P2RY8: variants seen among roughly 807,000 people sequenced by gnomAD.
P2RY8 encodes S-geranylgeranyl-glutathione receptor P2RY8.
In P2RY8, 6 loss-of-function variants were observed where a neutral mutation model predicts 10.0. The observed-to-expected ratio is 0.60, with a 90% CI of 0.33 to 1.19. P2RY8 has a LOEUF of 1.19. Among genes scored for constraint, P2RY8 ranks in the 50% most tolerant of loss-of-function variants. P2RY8 has a pLI of 0.04. For synonymous variants in P2RY8, 276 were observed against 252.5 expected, an observed-to-expected ratio of 1.09 and a Z score of -0.88; for missense variants, 456 against 542.0, an observed-to-expected ratio of 0.84 and a Z score of 1.58.
chrX:1,464,461 T>A lies in P2RY8; in HGVS notation c.*1018A>T, dbSNP rs1482591759. On this transcript the variant is annotated 3_prime_UTR_variant, in exon 2 of 2. Transcript: ENST00000381297. ...GGTCTCATGGGTCAGGCCAGTTGCC[T>A]GCTTCCTGGACTCCAGATGGACTTG... is the stretch of plus-strand genomic sequence containing the variant. The A allele has an allele frequency of 8.6e-6, 2 of 233,330 alleles. No individual in the cohort carries two copies. Among genetic ancestry groups the A allele is most frequent in the African/African-American group, 4.4e-5 (2 of 45,360 alleles). The allele number at this position is 233,330 out of a possible 1,614,324, so 14.5% of individuals were successfully genotyped here.
chrX:1,519,216 T>G lies in P2RY8; in HGVS notation c.-25+17705A>C, dbSNP rs187929302. 4.2e-3 allele frequency among the ~76,000 whole-genome samples: 630 copies of G among 151,726 alleles called. 2 individuals carry two copies. Among genetic ancestry groups the G allele is most frequent in the Non-Finnish European group, 6.9e-3 (466 of 67,894 alleles). On this transcript the variant is annotated intron_variant, in intron 1 of 1. Transcript: ENST00000381297. ...CAATATTCTCTCTGAGCCTCAATAT[T>G]CTCTCTGAGTCTCAATGTTCTCTCT...
At chrX:1,512,553 A>AAAC (rs1399202059) in intron 1 of P2RY8, among the ~76,000 whole-genome samples, 1 of 151,178 alleles carries the variant, frequency 6.6e-6, no homozygotes, top group Non-Finnish European at 1.5e-5. Context: ...TCTCAAAAAA[A>AAAC]AAAAAAAAAA....
At chrX:1,501,214 C>T (rs1475264703) in intron 1 of P2RY8, among the ~76,000 whole-genome samples, 1 of 152,162 alleles carries the variant, frequency 6.6e-6, no homozygotes, top group African/African-American at 2.4e-5. Context: ...CATGTCCAGG[C>T]TTACATCTGA....
intron 1 of P2RY8, among the ~76,000 whole-genome samples, chrX:1,490,552 T>C (rs1713214698): frequency 6.9e-6 from 1 of 145,706 alleles, no homozygotes; most frequent in Non-Finnish European, 1.5e-5. Flanking sequence ...CCGGATTCAC[T>C]TCTGCAAATG....
At chrX:1,508,874 CATCCATCT>C (rs1364758035) in intron 1 of P2RY8, among the ~76,000 whole-genome samples, 1 of 139,144 alleles carries the variant, frequency 7.2e-6, no homozygotes, top group African/African-American at 2.8e-5. Flanking sequence ...TCCATCCATC[CATCCATCT>C]ATTCTATCAT....
chrX:1,526,395 A>AT (rs2092440400), intron 1 of P2RY8, among the ~76,000 whole-genome samples: 1 of 151,302 alleles, frequency 6.6e-6, no homozygotes, highest in Non-Finnish European at 1.5e-5. Context: ...CTATTCACTC[A>AT]CCCATTCATT....
In P2RY8 at chrX:1,494,017, G is replaced by A. The variant is rs769262218; in HGVS notation, c.-24-27435C>T. 3.3e-5 allele frequency: 5 copies of A among 152,438 alleles called. No individual in the cohort carries two copies. The South Asian group carries it at 1.0e-3, about 32-fold the overall frequency. The allele number at this position is 152,438 out of a possible 1,614,324, so 9.4% of individuals were successfully genotyped here. On this transcript the variant is annotated intron_variant, in intron 1 of 1. Transcript: ENST00000381297. ...GGCATTCAGCAGCGTCTCTGGCCTGGATATGCCCTGCTAGCTGGGGTATTT... is the reference window on the plus strand; with the variant it reads ...GGCATTCAGCAGCGTCTCTGGCCTGAATATGCCCTGCTAGCTGGGGTATTT...
intron 1 of P2RY8, among the ~76,000 whole-genome samples, chrX:1,510,671 A>G (rs1352819838): frequency 6.6e-6 from 1 of 151,976 alleles, no homozygotes; most frequent in African/African-American, 2.4e-5. Flanking sequence ...TGACGTCAGG[A>G]GTTCAAGACC....
intron 1 of P2RY8, among the ~76,000 whole-genome samples, chrX:1,532,443 A>ATGTG (rs1344064838): frequency 3.9e-5 from 2 of 50,706 alleles, no homozygotes; most frequent in Non-Finnish European, 1.0e-4. Context: ...ATATGTATAT[A>ATGTG]TGTATATGTG....
intron 1 of P2RY8, among the ~76,000 whole-genome samples, chrX:1,472,465 T>G: frequency 1.4e-5 from 1 of 68,984 alleles, no homozygotes; most frequent in South Asian, 5.3e-4. Context: ...AGTGGATGAG[T>G]GCATGGGTGG....
rs1185904883 is a variant in P2RY8, at chrX:1,513,241, T to C, written c.-25+23680A>G. On this transcript the variant is annotated intron_variant, in intron 1 of 1. Transcript: ENST00000381297. ...TGCATAGTATTCCATGGTGTCTATG[T>C]GCCACTTTTTTTTTTATCCAGTCTA... Among the ~76,000 whole-genome samples, 13 of 70,936 alleles carry C rather than the reference T, an allele frequency of 1.8e-4. No homozygotes were observed. In the East Asian group the frequency reaches 0.013, roughly 72 times the overall value. The allele number at this position is 70,936 out of a possible 152,430, so 46.5% of individuals were successfully genotyped here.
chrX:1,512,828 C>T (rs1169758207), intron 1 of P2RY8, among the ~76,000 whole-genome samples: 3 of 122,064 alleles, frequency 2.5e-5, no homozygotes, highest in Non-Finnish European at 5.2e-5. Context: ...CTGCCCTTCA[C>T]ATGTGGAAAT....
intron 1 of P2RY8, among the ~76,000 whole-genome samples, chrX:1,514,549 T>TCC (rs1468087044): frequency 1.7e-3 from 2 of 1,210 alleles, no homozygotes; most frequent in African/African-American, 1.2e-3. Context: ...TCCTTTCCCT[T>TCC]CTCTTCCCTT....
At chrX:1,514,122 A>G (rs1321392248) in intron 1 of P2RY8, among the ~76,000 whole-genome samples, 1 of 152,084 alleles carries the variant, frequency 6.6e-6, no homozygotes, top group Admixed American at 6.5e-5. Context: ...TTTAGCCCTG[A>G]GGTTCTTGTG....
rs141515286 is a variant in P2RY8, at chrX:1,465,497, C to A, written c.1062G>T (p.Arg354Ser). 2.9e-4 allele frequency: 469 copies of A among 1,607,950 alleles called. 1 individual carries two copies. In the African/African-American group the frequency reaches 5.9e-3, roughly 20 times the overall value. ...CCGGGACTCAGAACACACTCTCCTG[C>A]CTCTGGAGGCCGGGCCTGGTGGCTC... The part of the protein sequence containing the change: ...MEGATRPGLQ[R>S]QESVF Residue 354 changes from arginine (R) to serine (S), a missense_variant, in exon 2 of 2, where the codon AGG becomes AGT. Arg to Ser is a moderately radical substitution (Grantham distance 110). Transcript: ENST00000381297.
intron 1 of P2RY8, among the ~76,000 whole-genome samples, chrX:1,510,028 G>A (rs189145954): frequency 6.6e-6 from 1 of 151,780 alleles, no homozygotes; most frequent in East Asian, 1.9e-4. Context: ...TATCTACCAT[G>A]TATCTAACTA....
chrX:1,514,883 TCTCCCCTCCCC>T (rs2092333372), intron 1 of P2RY8, among the ~76,000 whole-genome samples: 2 of 26,126 alleles, frequency 7.7e-5, no homozygotes, highest in South Asian at 2.1e-3. Context: ...CCTGTCTTCC[TCTCCCCTCCCC>T]TTCCCCTCCC....
intron 1 of P2RY8, among the ~76,000 whole-genome samples, chrX:1,513,516 G>T (rs1156688664): frequency 2.7e-5 from 4 of 150,810 alleles, no homozygotes; most frequent in Non-Finnish European, 5.9e-5. Context: ...TCTCCACGTG[G>T]CCTTCTCCTC....
rs778181167 is a variant in P2RY8, at chrX:1,509,771, A to G, written c.-25+27150T>C. Among the ~76,000 whole-genome samples the G allele has an allele frequency of 6.4e-5, 8 of 125,110 alleles. 1 individual carries two copies. The highest frequency in any genetic ancestry group is 2.6e-4 in the African/African-American group (8 of 30,468). 82.1% of individuals were successfully genotyped at this position (125,110 alleles called of 152,430 possible). A position where few individuals can be genotyped will look rare whatever the true frequency, so the allele number is the denominator to read the frequency against. ...TATCTGTCTATCTATCTATCTATCT[A>G]TCTATCTATCATCTATGTATCCATC... is the stretch of plus-strand genomic sequence containing the variant. On this transcript the variant is annotated intron_variant, in intron 1 of 1. Transcript: ENST00000381297.
Sources: gnomAD v4.1 joint callset for allele counts (sites outside exome capture counted in the v4.1 genomes callset) on GRCh38, gnomAD v4.1.1 for gene constraint, MANE v1.5 for transcripts, NCBI Gene and HGNC (gene_info 2026-07-23, HGNC 2026-07-21) for gene names.